The following RNGTT variants were observed in gnomAD, a reference collection of about 807,000 sequenced individuals.
The protein encoded by RNGTT is RNA guanylyltransferase and 5'-phosphatase.
RNGTT carries 33 observed loss-of-function variants against 79.3 expected under a neutral mutation model. The observed-to-expected ratio is 0.42, with a 90% CI of 0.32 to 0.56. RNGTT has a LOEUF of 0.56. Ranked by LOEUF, RNGTT falls within the 20% of genes least tolerant of loss-of-function variation. The pLI is 0.17. For missense variants in RNGTT, 497 were observed against 739.1 expected (o/e 0.67, Z 3.80); for synonymous variants, 222 against 235.9 (o/e 0.94, Z 0.54).
At chr6:88,936,658 T>C (rs1271862757) in intron 2 of RNGTT, among the ~76,000 whole-genome samples, 2 of 152,226 alleles carry the variant, frequency 1.3e-5, no homozygotes, top group Non-Finnish European at 2.9e-5. Flanking sequence ...CTTCATTCTA[T>C]TGATGTAATG....
At chr6:88,768,139 A>AGTGTGTGTGTGTGTGTGTGT (rs71021394) in intron 13 of RNGTT, among the ~76,000 whole-genome samples, 1 of 148,820 alleles carries the variant, frequency 6.7e-6, no homozygotes, top group African/African-American at 2.5e-5. Flanking sequence ...ATTTAGGGAT[A>AGTGTGTGTGTGTGTGTGTGT]GTGTGTGTGT....
At chr6:88,808,662 C>G (rs921058948) in intron 11 of RNGTT, among the ~76,000 whole-genome samples, 1 of 152,074 alleles carries the variant, frequency 6.6e-6, no homozygotes, top group Non-Finnish European at 1.5e-5. Context: ...GTAATGCCAG[C>G]ACTTTGAGGG....
At chr6:88,779,739 T>A (rs1778999958) in intron 12 of RNGTT, among the ~76,000 whole-genome samples, 1 of 152,198 alleles carries the variant, frequency 6.6e-6, no homozygotes, top group South Asian at 2.1e-4. Flanking sequence ...ACGTCTGTAA[T>A]CCCAGCACTT....
chr6:88,759,749 C>CA (rs1490276668), intron 13 of RNGTT, among the ~76,000 whole-genome samples: 1 of 152,002 alleles, frequency 6.6e-6, no homozygotes, highest in African/African-American at 2.4e-5. Flanking sequence ...ATAATTACAG[C>CA]AAAAAACAAA....
At chr6:88,721,512 T>C (rs1426067423) in intron 13 of RNGTT, among the ~76,000 whole-genome samples, 1 of 152,104 alleles carries the variant, frequency 6.6e-6, no homozygotes, top group Non-Finnish European at 1.5e-5. Context: ...CTTTGCTTTA[T>C]CATGCTTTCA....
At chr6:88,731,938 T>C (rs1467181747) in intron 13 of RNGTT, among the ~76,000 whole-genome samples, 1 of 152,122 alleles carries the variant, frequency 6.6e-6, no homozygotes, top group South Asian at 2.1e-4. Context: ...AAGAAAATGT[T>C]AAAAAATCAT....
At chr6:88,897,953 G>A (rs972566352) in intron 6 of RNGTT, among the ~76,000 whole-genome samples, 3 of 152,044 alleles carry the variant, frequency 2.0e-5, no homozygotes, top group African/African-American at 7.2e-5. Flanking sequence ...AGCTCAGGAT[G>A]ACCCCTCATG....
chr6:88,836,021 C>T (rs12210811), intron 11 of RNGTT, among the ~76,000 whole-genome samples: 4,211 of 118,044 alleles, frequency 0.036, 87 homozygotes, highest in African/African-American at 0.067. Flanking sequence ...CACACACACA[C>T]ACATATATAT....
At chr6:88,744,808 C>T (rs186157909) in intron 13 of RNGTT, among the ~76,000 whole-genome samples, 2 of 152,066 alleles carry the variant, frequency 1.3e-5, no homozygotes, top group Admixed American at 1.3e-4. Flanking sequence ...CATCTGCTAT[C>T]ATGACAATTA....
At chr6:88,775,727 G>GT (rs959703842) in intron 12 of RNGTT, among the ~76,000 whole-genome samples, 17 of 152,106 alleles carry the variant, frequency 1.1e-4, no homozygotes, top group African/African-American at 4.1e-4. Context: ...CATAATAGGT[G>GT]TTTTTTGCAT....
chr6:88,939,575 C>A (rs1216517848), intron 2 of RNGTT, among the ~76,000 whole-genome samples: 1 of 151,894 alleles, frequency 6.6e-6, no homozygotes, highest in African/African-American at 2.4e-5. Flanking sequence ...CACAGAGCTT[C>A]CTTAGTATCA....
At chr6:88,912,987 T>C (rs1444416078) in intron 4 of RNGTT, among the ~76,000 whole-genome samples, 1 of 151,936 alleles carries the variant, frequency 6.6e-6, no homozygotes, top group Non-Finnish European at 1.5e-5. Flanking sequence ...GGCAGATCAC[T>C]GAGGCCAGGA....
intron 7 of RNGTT, 63 bp from the exon 8 acceptor site, chr6:88,890,659 A>C: frequency 9.8e-7 from 1 of 1,024,460 alleles, no homozygotes; most frequent in Non-Finnish European, 1.5e-6. Context: ...ACATGTCTTA[A>C]ACCAATCTCA....
chr6:88,667,965 T>A (rs528285464), intron 14 of RNGTT, among the ~76,000 whole-genome samples: 1 of 152,218 alleles, frequency 6.6e-6, no homozygotes, highest in South Asian at 2.1e-4. Context: ...TATGAGATAT[T>A]GTATCATAGA....
chr6:88,895,627 C>T (rs1783219304), intron 6 of RNGTT, among the ~76,000 whole-genome samples: 1 of 152,078 alleles, frequency 6.6e-6, no homozygotes, highest in African/African-American at 2.4e-5. Context: ...CCAAAAATAC[C>T]TTCATTATGT....
At chr6:88,827,957 C>T (rs1280512841) in intron 11 of RNGTT, among the ~76,000 whole-genome samples, 3 of 152,160 alleles carry the variant, frequency 2.0e-5, no homozygotes, top group Non-Finnish European at 4.4e-5. Flanking sequence ...CAGCTATAGG[C>T]ACAACTTCAG....
chr6:88,836,023 C>CATAT (rs1231692909), intron 11 of RNGTT, among the ~76,000 whole-genome samples: 25 of 92,070 alleles, frequency 2.7e-4, no homozygotes, highest in African/African-American at 7.1e-4. Context: ...CACACACACA[C>CATAT]ATATATATAT....
intron 14 of RNGTT, among the ~76,000 whole-genome samples, chr6:88,653,610 A>AT (rs1773873884): frequency 6.6e-6 from 1 of 152,196 alleles, no homozygotes; most frequent in African/African-American, 2.4e-5. Context: ...TAAGCCCAAG[A>AT]TGTAACAGAG....
Position 88,611,313 on chromosome 6 carries a change from G to GT in RNGTT, c.*1405dup, listed in dbSNP as rs1249135266. The GT allele has an allele frequency of 6.6e-6, 1 of 152,608 alleles. No homozygotes were observed. Among genetic ancestry groups the GT allele is most frequent in the Admixed American group, 6.5e-5 (1 of 15,278 alleles). The allele number at this position is 152,608 out of a possible 1,614,324, so 9.5% of individuals were successfully genotyped here. On this transcript the variant is annotated 3_prime_UTR_variant, in exon 16 of 16. Transcript: ENST00000369485. ...CTACCGGGTAATTCAGTTGGATTTC[G>GT]TGTCTGACTGAATCAGTAGAAGAAT...
Sources: allele counts gnomAD v4.1 joint callset (sites outside exome capture counted in the v4.1 genomes callset), GRCh38; gene constraint gnomAD v4.1.1; transcripts MANE v1.5; gene names NCBI Gene and HGNC (gene_info 2026-07-23, HGNC 2026-07-21).